The following SV2C variants were observed in gnomAD, a reference collection of about 807,000 sequenced individuals.
SV2C encodes the protein synaptic vesicle glycoprotein 2C.
A neutral mutation model predicts 79.7 loss-of-function variants in SV2C; 49 were observed. The ratio of observed to expected loss-of-function variants is 0.61; its 90% CI spans 0.49 to 0.78. SV2C has a LOEUF of 0.78. Ranked by LOEUF, SV2C falls within the 30% of genes least tolerant of loss-of-function variation. SV2C has a pLI of 0.00. For missense variants in SV2C, 833 were observed against 912.9 expected (o/e 0.91, Z 1.13); for synonymous variants, 334 against 333.2 (o/e 1.00, Z -0.03).
intron 4 of SV2C, among the ~76,000 whole-genome samples, chr5:76,269,701 G>C (rs973665622): frequency 2.0e-5 from 3 of 152,204 alleles, no homozygotes; most frequent in African/African-American, 7.2e-5. Flanking sequence ...TCTGGTCAAA[G>C]CTGGTTTTAC....
At chr5:76,079,036 C>A, upstream of SV2C, 1 of 415,382 alleles carries the variant, frequency 2.4e-6, no homozygotes. Flanking sequence ...CATCAACAGA[C>A]ATTGGTCCAC....
intron 2 of SV2C, among the ~76,000 whole-genome samples, chr5:76,146,984 A>G (rs986354789): frequency 6.6e-6 from 1 of 152,162 alleles, no homozygotes; most frequent in South Asian, 2.1e-4. Flanking sequence ...TAGAATAGGC[A>G]AACTCATGGA....
chr5:76,251,583 C>T (rs1338170277), intron 4 of SV2C, among the ~76,000 whole-genome samples: 1 of 152,028 alleles, frequency 6.6e-6, no homozygotes, highest in Admixed American at 6.6e-5. Context: ...CACACACACA[C>T]AGAGGTTGCC....
the SV2C span, among the ~76,000 whole-genome samples, chr5:76,043,931 A>T: frequency 6.6e-6 from 1 of 151,582 alleles, no homozygotes; most frequent in Non-Finnish European, 1.5e-5. Context: ...ATATTCTGGG[A>T]TACATGTGCA....
At chr5:76,119,774 A>G (rs1748419170) in intron 1 of SV2C, among the ~76,000 whole-genome samples, 1 of 152,212 alleles carries the variant, frequency 6.6e-6, no homozygotes, top group Non-Finnish European at 1.5e-5. Context: ...TCCACAATGT[A>G]GGGTCCAAGC....
At chr5:76,113,399 T>C (rs1418556127) in intron 1 of SV2C, among the ~76,000 whole-genome samples, 1 of 152,220 alleles carries the variant, frequency 6.6e-6, no homozygotes, top group Non-Finnish European at 1.5e-5. Flanking sequence ...GTGGAGCAGG[T>C]GCAAAATAGC....
the SV2C span, among the ~76,000 whole-genome samples, chr5:76,058,931 T>C: frequency 6.6e-6 from 1 of 152,110 alleles, no homozygotes; most frequent in Non-Finnish European, 1.5e-5. Flanking sequence ...TCTTTAGAGG[T>C]ACTGAATGTT....
chr5:75,922,150 T>C, the SV2C span, among the ~76,000 whole-genome samples: 15 of 152,286 alleles, frequency 9.8e-5, no homozygotes, highest in African/African-American at 3.1e-4. Flanking sequence ...GTGAAATATA[T>C]ATTATTTTCC....
intron 2 of SV2C, among the ~76,000 whole-genome samples, chr5:76,170,372 C>T (rs376233206): frequency 0.084 from 9,738 of 116,540 alleles, 506 homozygotes; most frequent in Middle Eastern, 0.12. Flanking sequence ...TCAACCAAAA[C>T]GTTACACATG....
At chr5:76,238,812 C>G (rs549705292) in intron 4 of SV2C, among the ~76,000 whole-genome samples, 1 of 152,318 alleles carries the variant, frequency 6.6e-6, no homozygotes, top group African/African-American at 2.4e-5. Context: ...ACACTATTCA[C>G]ACTGGTGAAA....
chr5:76,238,133 G>T (rs1745672098), intron 4 of SV2C, among the ~76,000 whole-genome samples: 1 of 151,850 alleles, frequency 6.6e-6, no homozygotes, highest in African/African-American at 2.4e-5. Context: ...TCTAATGGGT[G>T]TTGAACTACC....
At chr5:76,241,070 C>T (rs919546554) in intron 4 of SV2C, among the ~76,000 whole-genome samples, 1 of 152,134 alleles carries the variant, frequency 6.6e-6, no homozygotes, top group African/African-American at 2.4e-5. Context: ...GATTCTCCTG[C>T]CTCAGCCTCC....
chr5:76,231,642 G>T (rs1745427185), intron 4 of SV2C, among the ~76,000 whole-genome samples: 1 of 140,668 alleles, frequency 7.1e-6, no homozygotes, highest in South Asian at 2.1e-4. Flanking sequence ...CTGTGTCCAT[G>T]TGATCTCATT....
At chr5:76,034,953 C>T in the SV2C span, among the ~76,000 whole-genome samples, 129 of 152,184 alleles carry the variant, frequency 8.5e-4, no homozygotes, top group African/African-American at 2.8e-3. Flanking sequence ...TTCAGAGATT[C>T]AAGTTCTCCT....
intron 2 of SV2C, among the ~76,000 whole-genome samples, chr5:76,178,388 T>G (rs947731743): frequency 2.6e-5 from 4 of 152,238 alleles, no homozygotes; most frequent in Non-Finnish European, 5.9e-5. Context: ...AAATTTCTTT[T>G]CTTTTTCAGG....
the SV2C span, among the ~76,000 whole-genome samples, chr5:76,073,921 A>G: frequency 6.6e-6 from 1 of 152,190 alleles, no homozygotes; most frequent in African/African-American, 2.4e-5. Context: ...TTAATTTTAA[A>G]AAAAGAAGTA....
chr5:76,222,991 A>G (rs1580365153), intron 4 of SV2C, among the ~76,000 whole-genome samples: 1 of 152,246 alleles, frequency 6.6e-6, no homozygotes, highest in East Asian at 1.9e-4. Context: ...AAACTTCTCC[A>G]GAGAGCAACA....
At chr5:76,152,314 C>T (rs1436394150) in intron 2 of SV2C, among the ~76,000 whole-genome samples, 1 of 152,152 alleles carries the variant, frequency 6.6e-6, no homozygotes, top group African/African-American at 2.4e-5. Context: ...TTAGATAACG[C>T]TTCTAATAAC....
chr5:76,298,347 G>C (rs1747846479), intron 9 of SV2C, among the ~76,000 whole-genome samples: 1 of 152,104 alleles, frequency 6.6e-6, no homozygotes, highest in South Asian at 2.1e-4. Context: ...TTTTCAGCTA[G>C]GGAAAAATAA....
Sources: gnomAD v4.1 joint callset for allele counts (sites outside exome capture counted in the v4.1 genomes callset) on GRCh38, gnomAD v4.1.1 for gene constraint, MANE v1.5 for transcripts, NCBI Gene and HGNC (gene_info 2026-07-23, HGNC 2026-07-21) for gene names.